The following AKAP13 variants were observed in gnomAD, a reference collection of about 807,000 sequenced individuals.
AKAP13 encodes the protein A-kinase anchor protein 13.
A neutral mutation model predicts 264.5 loss-of-function variants in AKAP13; 80 were observed. The ratio of observed to expected loss-of-function variants is 0.30; its 90% CI spans 0.25 to 0.36. The LOEUF is 0.36. AKAP13 is among the 10% of genes least tolerant of loss of function. The pLI is 1.00. For synonymous variants in AKAP13, 1,380 were observed against 1,250.2 expected, an observed-to-expected ratio of 1.10 and a Z score of -2.19; for missense variants, 3,712 against 3,435.2, an observed-to-expected ratio of 1.08 and a Z score of -2.01.
chr15:85,524,429 C>T (rs948270922), intron 3 of AKAP13, among the ~76,000 whole-genome samples: 7 of 152,076 alleles, frequency 4.6e-5, no homozygotes, highest in African/African-American at 1.7e-4. Context: ...CCACCTCGGC[C>T]TCCCAAAGTG....
chr15:85,400,124 G>T (rs982725486), intron 1 of AKAP13, among the ~76,000 whole-genome samples: 1 of 152,126 alleles, frequency 6.6e-6, no homozygotes, highest in Non-Finnish European at 1.5e-5. Flanking sequence ...TCTGGGCCAG[G>T]CTCAGTGGCT....
intron 5 of AKAP13, among the ~76,000 whole-genome samples, chr15:85,565,989 T>G (rs2078592175): frequency 6.6e-6 from 1 of 152,266 alleles, no homozygotes; most frequent in African/African-American, 2.4e-5. Flanking sequence ...TGCTGTCCAT[T>G]GGTTGCATAC....
chr15:85,497,739 TA>T (rs1334140502), intron 2 of AKAP13, among the ~76,000 whole-genome samples: 1 of 152,188 alleles, frequency 6.6e-6, no homozygotes, highest in Non-Finnish European at 1.5e-5. Flanking sequence ...TGATTGCAGA[TA>T]GAAAATATTT....
chr15:85,486,419 A>G (rs1345612638), intron 2 of AKAP13, among the ~76,000 whole-genome samples: 1 of 152,100 alleles, frequency 6.6e-6, no homozygotes, highest in Non-Finnish European at 1.5e-5. Flanking sequence ...GTGAGAGTTC[A>G]TTTTTGTGTA....
chr15:85,657,909 T>A (rs2083175145), intron 11 of AKAP13, among the ~76,000 whole-genome samples: 1 of 152,164 alleles, frequency 6.6e-6, no homozygotes, highest in Admixed American at 6.5e-5. Flanking sequence ...GGTTCCTTTG[T>A]CACAACTTTG....
At chr15:85,629,861 C>T (rs1177070369) in intron 8 of AKAP13, among the ~76,000 whole-genome samples, 1 of 137,988 alleles carries the variant, frequency 7.2e-6, no homozygotes, top group Non-Finnish European at 1.5e-5. Flanking sequence ...CTCACTGAAA[C>T]CTCCACCTCC....
intron 6 of AKAP13, chr15:85,577,771 A>G: frequency 2.0e-6 from 2 of 982,050 alleles, no homozygotes; most frequent in Non-Finnish European, 2.4e-6. Context: ...AGGTGAAAGA[A>G]TATCTGCCAT....
At chr15:85,498,680 T>A (rs1226430842) in intron 2 of AKAP13, among the ~76,000 whole-genome samples, 1 of 152,190 alleles carries the variant, frequency 6.6e-6, no homozygotes, top group African/African-American at 2.4e-5. Context: ...ATGTAAGACA[T>A]ACATCCTATA....
At chr15:85,651,248 G>A (rs2082827660) in intron 10 of AKAP13, among the ~76,000 whole-genome samples, 1 of 152,102 alleles carries the variant, frequency 6.6e-6, no homozygotes, top group Non-Finnish European at 1.5e-5. Context: ...AGAAAATTTG[G>A]AGAATTGTAC....
At position 85,652,370 on chromosome 15, in the gene AKAP13, G is replaced by C. The variant is rs763303132; in HGVS notation, c.4375-3047G>C. 2.0e-5 allele frequency among the ~76,000 whole-genome samples: 3 copies of C among 152,272 alleles called. 1 individual carries two copies. The South Asian group carries it at 6.2e-4, about 32-fold the overall frequency. Reference sequence around the variant, plus strand: ...TGAAGAAGCACCTATATAACTGTCTGTGAGTTGTTTCCAAACTGAGAAGAG... The same window carrying C: ...TGAAGAAGCACCTATATAACTGTCTCTGAGTTGTTTCCAAACTGAGAAGAG... On this transcript the variant is annotated intron_variant, in intron 10 of 36. Coordinates refer to ENST00000394518, the MANE Select transcript of AKAP13 (RefSeq NM_007200.5).
chr15:85,693,819 T>C (rs1020572883), intron 17 of AKAP13, among the ~76,000 whole-genome samples: 7 of 152,240 alleles, frequency 4.6e-5, no homozygotes, highest in Non-Finnish European at 2.9e-5. Context: ...GTCAACACTT[T>C]ATCATAAAAC....
At chr15:85,495,841 G>A (rs903502798) in intron 2 of AKAP13, among the ~76,000 whole-genome samples, 5 of 152,094 alleles carry the variant, frequency 3.3e-5, no homozygotes, top group Non-Finnish European at 5.9e-5. Context: ...CTGCTTCTGG[G>A]AGGAGGCAAA....
chr15:85,717,652 C>G (rs1323611717), intron 21 of AKAP13, among the ~76,000 whole-genome samples: 1 of 152,146 alleles, frequency 6.6e-6, no homozygotes, highest in Non-Finnish European at 1.5e-5. Flanking sequence ...TTTTCCTTCC[C>G]TTAGACTTTT....
intron 1 of AKAP13, among the ~76,000 whole-genome samples, chr15:85,396,057 C>T (rs2071096144): frequency 1.3e-5 from 2 of 151,986 alleles, no homozygotes; most frequent in Non-Finnish European, 2.9e-5. Flanking sequence ...CATATGCACA[C>T]ATAACATACA....
At chr15:85,529,601 T>A (rs1310365427) in intron 3 of AKAP13, among the ~76,000 whole-genome samples, 2 of 152,222 alleles carry the variant, frequency 1.3e-5, no homozygotes, top group African/African-American at 2.4e-5. Flanking sequence ...TAAAAAATGC[T>A]GATTTACCCC....
At chr15:85,683,650 T>G (rs1340447324) in intron 15 of AKAP13, 3 of 152,190 alleles carry the variant, frequency 2.0e-5, no homozygotes, top group Admixed American at 1.3e-4. Flanking sequence ...TTGTATTTTT[T>G]AGTAGAGACG....
intron 12 of AKAP13, among the ~76,000 whole-genome samples, chr15:85,663,066 T>A (rs1285840237): frequency 6.6e-6 from 1 of 152,128 alleles, no homozygotes; most frequent in Non-Finnish European, 1.5e-5. Context: ...TCCCAGTACT[T>A]TGGGAGGCTG....
intron 16 of AKAP13, among the ~76,000 whole-genome samples, chr15:85,692,353 C>G (rs2085332253): frequency 6.6e-6 from 1 of 152,156 alleles, no homozygotes; most frequent in Admixed American, 6.5e-5. Context: ...TATTATCTCA[C>G]CTAATTGTCA....
intron 5 of AKAP13, among the ~76,000 whole-genome samples, chr15:85,554,607 A>G (rs977747975): frequency 1.3e-5 from 2 of 151,954 alleles, no homozygotes; most frequent in Non-Finnish European, 2.9e-5. Flanking sequence ...TTTAAGTCTA[A>G]TACTCAGAAG....
Sources: gnomAD v4.1 joint callset for allele counts (sites outside exome capture counted in the v4.1 genomes callset) on GRCh38, gnomAD v4.1.1 for gene constraint, MANE v1.5 for transcripts, NCBI Gene and HGNC (gene_info 2026-07-23, HGNC 2026-07-21) for gene names.